TTC7B: variants seen among roughly 807,000 people sequenced by gnomAD.
TTC7B encodes tetratricopeptide repeat domain 7B.
In TTC7B, 28 loss-of-function variants were observed where a neutral mutation model predicts 106.8. The ratio of observed to expected loss-of-function variants is 0.26; its 90% confidence interval spans 0.19 to 0.36. The LOEUF (loss-of-function observed/expected upper bound fraction) is 0.36. TTC7B is among the 10% of genes least tolerant of loss of function. The probability of loss-of-function intolerance (pLI) is 1.00; values close to 1 mark genes in which losing one functional copy is unlikely to be tolerated. For synonymous variants in TTC7B, 405 were observed against 430.6 expected, an observed-to-expected ratio of 0.94 and a Z score of 0.74; for missense variants, 862 against 1,076.4, an observed-to-expected ratio of 0.80 and a Z score of 2.79.
At chr14:90,730,237 C>T in intron 4 of TTC7B, 41 bp from the exon 5 acceptor site, 1 of 1,579,070 alleles carries the variant, frequency 6.3e-7, no homozygotes, top group African/African-American at 1.4e-5. Flanking sequence ...AGATGCACAT[C>T]CAAGCCTACT....
chr14:90,567,051 G>T (rs1468513297), intron 19 of TTC7B, among the ~76,000 whole-genome samples: 1 of 152,106 alleles, frequency 6.6e-6, no homozygotes, highest in South Asian at 2.1e-4. Context: ...GGGCGGGGAG[G>T]GGTGGTCTCC....
intron 1 of TTC7B, among the ~76,000 whole-genome samples, chr14:90,804,183 A>AT (rs2030456681): frequency 6.6e-6 from 1 of 151,942 alleles, no homozygotes; most frequent in Non-Finnish European, 1.5e-5. Flanking sequence ...AAAATACAAA[A>AT]AATTAGCCGG....
At chr14:90,748,814 G>T (rs1890049609) in intron 3 of TTC7B, among the ~76,000 whole-genome samples, 1 of 152,002 alleles carries the variant, frequency 6.6e-6, no homozygotes, top group Admixed American at 6.6e-5. Flanking sequence ...AGATCATAAG[G>T]AAAAATTCTT....
chr14:90,630,340 A>C (rs780931957), intron 15 of TTC7B, among the ~76,000 whole-genome samples: 13 of 152,168 alleles, frequency 8.5e-5, no homozygotes, highest in Non-Finnish European at 1.2e-4. Context: ...AGTCCATCCC[A>C]GAAGAACATT....
At chr14:90,680,581 T>C (rs901473010) in intron 7 of TTC7B, 46 bp from the exon 8 acceptor site, 14 of 1,420,522 alleles carry the variant, frequency 9.9e-6, no homozygotes, top group Non-Finnish European at 1.3e-5. Context: ...AGTTTCAAAA[T>C]ATACAAATAC....
chr14:90,740,690 C>T (rs963810003), intron 4 of TTC7B, among the ~76,000 whole-genome samples: 4 of 151,678 alleles, frequency 2.6e-5, no homozygotes, highest in African/African-American at 7.3e-5. Context: ...TCAGTGGAGA[C>T]GGGGTTTCAC....
Position 90,535,551 on chromosome 14 carries a change from C to T in TTC7B, c.*5817G>A, listed in dbSNP as rs2139754320. The T allele has an allele frequency of 6.5e-6, 1 of 152,786 alleles. No individual in the cohort carries two copies. Among genetic ancestry groups the T allele is most frequent in the African/African-American group, 2.4e-5 (1 of 41,558 alleles). The allele number at this position is 152,786 out of a possible 1,614,324, so 9.5% of individuals were successfully genotyped here. On this transcript the variant is annotated 3_prime_UTR_variant, in exon 20 of 20. Transcript: ENST00000328459. ...CCTCACGCCTGCCCTGCTGGAAACA[C>T]AAGGTGCTCAGCGAGGCCGCCTTCA...
chr14:90,740,375 A>G (rs1889708411), intron 4 of TTC7B, among the ~76,000 whole-genome samples: 1 of 152,120 alleles, frequency 6.6e-6, no homozygotes, highest in Non-Finnish European at 1.5e-5. Context: ...GAGTGAACAG[A>G]GAAGTCCAGA....
Position 90,663,727 on chromosome 14 carries a change from G to A in TTC7B, c.1153-5340C>T, listed in dbSNP as rs1337995800. On this transcript the variant is annotated intron_variant, in intron 9 of 19. Transcript: ENST00000328459. The surrounding 1 kb of genome is among the most constrained non-coding windows in gnomAD (Gnocchi z 4.5). ...CAACCCACCTCCCCTAACAAGCCAT[G>A]AGGGTGTCCTAAAGAGAGTTAGGAA... Among the ~76,000 whole-genome samples, 1 of 152,186 alleles carries A rather than the reference G, an allele frequency of 6.6e-6. No homozygotes were observed. The highest frequency in any genetic ancestry group is 1.5e-5 in the Non-Finnish European group (1 of 68,040).
chr14:90,615,764 A>G (rs1186906346), intron 16 of TTC7B, among the ~76,000 whole-genome samples: 1 of 152,208 alleles, frequency 6.6e-6, no homozygotes, highest in East Asian at 1.9e-4. Flanking sequence ...TTTCTATCCC[A>G]GAGAAAATCA....
intron 1 of TTC7B, among the ~76,000 whole-genome samples, chr14:90,806,416 G>A (rs548563908): frequency 6.6e-6 from 1 of 152,336 alleles, no homozygotes; most frequent in East Asian, 1.9e-4. Context: ...CCGCTGCAGG[G>A]CTTGCTACAT....
chr14:90,806,496 AC>A (rs1418797523), intron 1 of TTC7B, among the ~76,000 whole-genome samples: 1 of 152,174 alleles, frequency 6.6e-6, no homozygotes, highest in African/African-American at 2.4e-5. Flanking sequence ...GAGCATCTGA[AC>A]CTTTCCATCC....
In TTC7B at chr14:90,562,337, C is replaced by G. The variant is rs189065500; in HGVS notation, c.2310+15769G>C. 1.2e-3 allele frequency among the ~76,000 whole-genome samples: 176 copies of G among 152,328 alleles called. 1 individual carries two copies. Among genetic ancestry groups the G allele is most frequent in the Non-Finnish European group, 3.4e-4 (23 of 68,030 alleles). Reference sequence around the variant, plus strand: ...CAAACCCTCTGGTTCCCTCACCAACCCTTGTGAAGTCTCCCTTTTCAATAC... The same window carrying G: ...CAAACCCTCTGGTTCCCTCACCAACGCTTGTGAAGTCTCCCTTTTCAATAC... On this transcript the variant is annotated intron_variant, in intron 19 of 19. Transcript: ENST00000328459.
chr14:90,599,433 G>C (rs1617185), intron 17 of TTC7B, among the ~76,000 whole-genome samples: 15,420 of 152,144 alleles, frequency 0.1, 904 homozygotes, highest in East Asian at 0.22. Flanking sequence ...TGCCAGGAAC[G>C]ACGGACAGCC....
chr14:90,798,941 T>C (rs1290791042), intron 1 of TTC7B, among the ~76,000 whole-genome samples: 1 of 152,024 alleles, frequency 6.6e-6, no homozygotes, highest in Non-Finnish European at 1.5e-5. Context: ...AACCAGATAA[T>C]TTAAAAAGAA....
intron 5 of TTC7B, among the ~76,000 whole-genome samples, chr14:90,714,856 C>A (rs192619495): frequency 1.3e-5 from 2 of 152,106 alleles, no homozygotes; most frequent in African/African-American, 4.8e-5. Context: ...TAGCAGCTTC[C>A]TCTATGACAA....
chr14:90,751,635 G>A (rs1230702704), intron 3 of TTC7B, among the ~76,000 whole-genome samples: 1 of 151,248 alleles, frequency 6.6e-6, no homozygotes, highest in Non-Finnish European at 1.5e-5. Flanking sequence ...TCACTGTGTT[G>A]TCCAAGCTGG....
rs115001716 is a variant in TTC7B, at chr14:90,564,756, A to G, written c.2310+13350T>C. Among the ~76,000 whole-genome samples, 371 of 152,210 alleles carry G rather than the reference A, an allele frequency of 2.4e-3. 2 individuals carry two copies. The highest frequency in any genetic ancestry group is 8.6e-3 in the African/African-American group (356 of 41,526). On this transcript the variant is annotated intron_variant, in intron 19 of 19. Transcript: ENST00000328459. Reference sequence around the variant, plus strand: ...AGATCCCTATCTGCACAAAAAACTTAAAAAATTAGCGGGTTGTGGTGATAC... The same window carrying G: ...AGATCCCTATCTGCACAAAAAACTTGAAAAATTAGCGGGTTGTGGTGATAC...
intron 5 of TTC7B, among the ~76,000 whole-genome samples, chr14:90,726,250 C>G (rs1889098062): frequency 6.6e-6 from 1 of 152,226 alleles, no homozygotes; most frequent in Non-Finnish European, 1.5e-5. Flanking sequence ...TTCTCTGCTG[C>G]TAGCTGGGCT....
Sources: gnomAD v4.1 joint callset for allele counts (sites outside exome capture counted in the v4.1 genomes callset) on GRCh38, gnomAD v4.1.1 for gene constraint, Gnocchi (gnomAD v3.1) non-coding constraint, MANE v1.5 for transcripts, NCBI Gene and HGNC (gene_info 2026-07-23, HGNC 2026-07-21) for gene names.